Variants in NRXN3 observed in about 807,000 individuals in gnomAD.
NRXN3 encodes neurexin 3.
Under a neutral mutation model 137.6 loss-of-function variants are expected in NRXN3, and 32 were observed. The observed-to-expected ratio is 0.23, with a 90% CI of 0.18 to 0.31. The LOEUF is 0.31. Among genes scored for constraint, NRXN3 ranks in the 10% least tolerant of loss-of-function variants. The pLI is 1.00. For synonymous variants in NRXN3, 798 were observed against 784.5 expected (o/e 1.02, Z -0.29); for missense variants, 1,574 against 2,062.5 (o/e 0.76, Z 4.59).
Position 79,862,892 on chromosome 14 carries a change from T to C in NRXN3, c.*928T>C, listed in dbSNP as rs1328539949. ...AGCTATTGGCTTTACGTAACAATAT[T>C]GTTCCTGTCCATTCACCCAGCCAAA... On this transcript the variant is annotated 3_prime_UTR_variant, in exon 21 of 21. Transcript: ENST00000335750. 3 of 152,458 alleles carry C rather than the reference T, an allele frequency of 2.0e-5. No homozygotes were observed. The highest frequency in any genetic ancestry group is 7.2e-5 in the African/African-American group (3 of 41,454). 9.4% of individuals were successfully genotyped at this position (152,458 alleles called of 1,614,324 possible). A position where few individuals can be genotyped will look rare whatever the true frequency, so the allele number is the denominator to read the frequency against.
intron 10 of NRXN3, among the ~76,000 whole-genome samples, chr14:78,906,991 C>G (rs529639079): frequency 1.3e-5 from 2 of 152,056 alleles, no homozygotes; most frequent in Admixed American, 1.3e-4. Context: ...GAGATACACT[C>G]CTTAAAGTCA....
chr14:79,340,451 T>C (rs2092545290), intron 15 of NRXN3, among the ~76,000 whole-genome samples: 1 of 152,120 alleles, frequency 6.6e-6, no homozygotes, highest in Non-Finnish European at 1.5e-5. Context: ...GATATTTGAC[T>C]TTTTATTTAC....
At chr14:78,616,575 T>C (rs906304507) in intron 4 of NRXN3, among the ~76,000 whole-genome samples, 1 of 152,242 alleles carries the variant, frequency 6.6e-6, no homozygotes, top group Non-Finnish European at 1.5e-5. Context: ...CTCACTACAA[T>C]GCAAGATTGA....
chr14:78,306,881 T>C lies in NRXN3; in HGVS notation c.757+9021T>C, dbSNP rs80060242. ...TAGACCCAGCCCTCTGACACCTTGC[T>C]CACAGTCAATGGGAGTTTGAAAATA... On this transcript the variant is annotated intron_variant, in intron 4 of 20. Transcript: ENST00000335750. 6.1e-3 allele frequency among the ~76,000 whole-genome samples: 933 copies of C among 152,298 alleles called. 13 individuals are homozygous for C. The highest frequency in any genetic ancestry group is 0.021 in the African/African-American group (860 of 41,572).
At chr14:78,409,764 G>A (rs1429774999) in intron 4 of NRXN3, among the ~76,000 whole-genome samples, 1 of 152,138 alleles carries the variant, frequency 6.6e-6, no homozygotes, top group Non-Finnish European at 1.5e-5. Context: ...TTTCCACCAG[G>A]CATTATGACC....
intron 16 of NRXN3, among the ~76,000 whole-genome samples, chr14:79,651,846 T>C (rs2098477663): frequency 6.6e-6 from 1 of 152,204 alleles, no homozygotes; most frequent in African/African-American, 2.4e-5. Flanking sequence ...AGATCAGTGA[T>C]CCCTAATGAC....
intron 10 of NRXN3, among the ~76,000 whole-genome samples, chr14:78,824,716 A>G (rs1349195044): frequency 6.6e-6 from 1 of 152,226 alleles, no homozygotes; most frequent in East Asian, 1.9e-4. Flanking sequence ...CTAAATTTAA[A>G]TTAAAAAAAT....
chr14:79,708,775 A>G (rs993637795), intron 19 of NRXN3, among the ~76,000 whole-genome samples: 6 of 152,160 alleles, frequency 3.9e-5, no homozygotes, highest in Non-Finnish European at 8.8e-5. Context: ...TGTTAGCTAA[A>G]TGGTGATTTG....
At chr14:78,384,023 G>T (rs1413492673) in intron 4 of NRXN3, among the ~76,000 whole-genome samples, 1 of 152,166 alleles carries the variant, frequency 6.6e-6, no homozygotes, top group East Asian at 1.9e-4. Context: ...GGAGTAATGG[G>T]TTCTCATATA....
intron 20 of NRXN3, among the ~76,000 whole-genome samples, chr14:79,843,977 C>T (rs1335555291): frequency 6.6e-6 from 1 of 152,072 alleles, no homozygotes. Flanking sequence ...TATCTCCCAC[C>T]TATAAGAGAG....
intron 17 of NRXN3, among the ~76,000 whole-genome samples, chr14:79,688,168 A>G (rs559696695): frequency 5.9e-5 from 9 of 152,212 alleles, no homozygotes; most frequent in Admixed American, 3.9e-4. Context: ...TCTGATCACT[A>G]GAAAAGAGTC....
At chr14:78,551,312 T>G (rs1258100985) in intron 4 of NRXN3, among the ~76,000 whole-genome samples, 1 of 152,124 alleles carries the variant, frequency 6.6e-6, no homozygotes, top group Non-Finnish European at 1.5e-5. Flanking sequence ...TCTACTTATA[T>G]CTATGTATGC....
At chr14:79,438,004 G>C (rs563163910) in intron 15 of NRXN3, among the ~76,000 whole-genome samples, 1 of 152,044 alleles carries the variant, frequency 6.6e-6, no homozygotes. Context: ...GTACCCCCAG[G>C]CCTCAGCGTG....
At chr14:79,398,266 G>A (rs2095083858) in intron 15 of NRXN3, among the ~76,000 whole-genome samples, 1 of 152,084 alleles carries the variant, frequency 6.6e-6, no homozygotes, top group South Asian at 2.1e-4. Context: ...AATTTCCATT[G>A]CCCAGTTACA....
At chr14:78,762,900 C>T (rs758182357) in intron 8 of NRXN3, among the ~76,000 whole-genome samples, 3 of 152,136 alleles carry the variant, frequency 2.0e-5, no homozygotes, top group Admixed American at 1.3e-4. Context: ...AAAACAGTGC[C>T]ATTTGAATTT....
intron 10 of NRXN3, among the ~76,000 whole-genome samples, chr14:78,928,806 G>A (rs1013899006): frequency 6.6e-6 from 1 of 151,994 alleles, no homozygotes; most frequent in Admixed American, 6.6e-5. Context: ...TAATCCTTTG[G>A]GTATATACCC....
At chr14:79,301,751 G>A (rs983610277) in intron 15 of NRXN3, among the ~76,000 whole-genome samples, 13 of 151,814 alleles carry the variant, frequency 8.6e-5, no homozygotes, top group East Asian at 3.9e-4. Flanking sequence ...GTGTGTGCGC[G>A]CGCGTGCATA....
intron 15 of NRXN3, among the ~76,000 whole-genome samples, chr14:79,422,627 C>G (rs1217108251): frequency 6.6e-6 from 1 of 151,776 alleles, no homozygotes. Flanking sequence ...TAAAGTAAGT[C>G]CAGACCCGAG....
intron 19 of NRXN3, among the ~76,000 whole-genome samples, chr14:79,802,858 T>TG (rs397700039): frequency 6.6e-5 from 10 of 151,214 alleles, no homozygotes; most frequent in Non-Finnish European, 1.0e-4. Flanking sequence ...GTAGTGTGTG[T>TG]TTTTTTTAAG....
Sources: allele counts gnomAD v4.1 joint callset (sites outside exome capture counted in the v4.1 genomes callset), GRCh38; gene constraint gnomAD v4.1.1; transcripts MANE v1.5; gene names NCBI Gene and HGNC (gene_info 2026-07-23, HGNC 2026-07-21).